Variants in VPS8 observed in about 807,000 individuals in gnomAD.
VPS8 encodes the protein VPS8 subunit of CORVET complex, also known as vacuolar protein sorting-associated protein 8 homolog.
Under a neutral mutation model 216.4 loss-of-function variants are expected in VPS8, and 129 were observed. The ratio of observed to expected loss-of-function variants is 0.60; its 90% confidence interval spans 0.52 to 0.69. The LOEUF (loss-of-function observed/expected upper bound fraction) is 0.69. VPS8 is among the 30% of genes least tolerant of loss of function. The probability of loss-of-function intolerance (pLI) is 0.00; values close to 1 mark genes in which losing one functional copy is unlikely to be tolerated. For synonymous variants in VPS8, 571 were observed against 565.4 expected (o/e 1.01, Z -0.14); for missense variants, 1,531 against 1,683.5 (o/e 0.91, Z 1.59).
intron 21 of VPS8, among the ~76,000 whole-genome samples, chr3:184,882,605 C>T (rs1578056111): frequency 6.6e-6 from 1 of 151,976 alleles, no homozygotes; most frequent in African/African-American, 2.4e-5. Flanking sequence ...TGCTCCTTTT[C>T]TGTTTTGTGG....
intron 36 of VPS8, among the ~76,000 whole-genome samples, chr3:184,952,108 C>T (rs1338139152): frequency 1.3e-5 from 2 of 152,180 alleles, no homozygotes; most frequent in East Asian, 3.8e-4. Flanking sequence ...AAATGAAATA[C>T]CAACAATGTG....
At chr3:185,041,210 G>GA (rs1254700081) in intron 46 of VPS8, among the ~76,000 whole-genome samples, 86 of 136,280 alleles carry the variant, frequency 6.3e-4, no homozygotes, top group Middle Eastern at 3.7e-3. Flanking sequence ...CATCTCAAAG[G>GA]AAAAAAAAAA....
At position 184,849,998 on chromosome 3, in the gene VPS8, A is replaced by T. The variant is rs1447950786; in HGVS notation, c.729A>T (p.Pro243=). 6.2e-7 allele frequency: 1 copy of T among 1,613,196 alleles called. No individual in the cohort carries two copies. The highest frequency in any genetic ancestry group is 2.2e-5 in the East Asian group (1 of 44,814). ...GATCAATAACAGATGCTCATCCTCCAGGAACAGCAATATTGCATATCAAGG... is the reference window on the plus strand; with the variant it reads ...GATCAATAACAGATGCTCATCCTCCTGGAACAGCAATATTGCATATCAAGG... ...LLRSITDAHP[P]GTAILHIKFT... The change falls in exon 10 of 48, where the codon CCA becomes CCT. Residue 243 remains proline, a synonymous_variant. Coordinates refer to ENST00000625842, the MANE Select transcript of VPS8 (RefSeq NM_001009921.3).
rs1747053644 is a variant in VPS8, at chr3:184,964,459, A to G, written c.3184-9A>G. Reference sequence around the variant, plus strand: ...GTGAATAAAAATATTTATCTTTTTTATTTCCTAGATTACTCAGAAGTATCA... The same window carrying G: ...GTGAATAAAAATATTTATCTTTTTTGTTTCCTAGATTACTCAGAAGTATCA... On this transcript the variant is annotated splice_polypyrimidine_tract_variant and intron_variant, in intron 37 of 47. Transcript: ENST00000625842. 6.9e-7 allele frequency: 1 copy of G among 1,446,854 alleles called. No individual in the cohort carries two copies. Among genetic ancestry groups the G allele is most frequent in the Non-Finnish European group, 9.2e-7 (1 of 1,085,952 alleles). 89.6% of individuals were successfully genotyped at this position (1,446,854 alleles called of 1,614,324 possible).
At chr3:185,020,880 T>C (rs774390036) in intron 45 of VPS8, among the ~76,000 whole-genome samples, 1 of 152,210 alleles carries the variant, frequency 6.6e-6, no homozygotes, top group African/African-American at 2.4e-5. Context: ...CGACACCAGC[T>C]GACCAACATG....
chr3:184,824,424 C>T, intron 1 of VPS8, 121 bp from the exon 2 acceptor site: 1 of 544,060 alleles, frequency 1.8e-6, no homozygotes, highest in Non-Finnish European at 3.2e-6. Flanking sequence ...TTTCAGTTTG[C>T]CTGCAATCGG....
chr3:185,003,114 A>AT (rs1404041639), intron 45 of VPS8, among the ~76,000 whole-genome samples: 14 of 136,294 alleles, frequency 1.0e-4, no homozygotes, highest in Middle Eastern at 3.9e-3. Flanking sequence ...AACATCTAAT[A>AT]TTTTTTTATT....
intron 21 of VPS8, among the ~76,000 whole-genome samples, chr3:184,880,072 T>C (rs1730013342): frequency 6.6e-6 from 1 of 152,156 alleles, no homozygotes; most frequent in South Asian, 2.1e-4. Context: ...AAAAAGTATG[T>C]GTATTTGGTT....
chr3:184,834,740 G>T lies in VPS8; in HGVS notation c.445G>T (p.Ala149Ser). 6.4e-7 allele frequency: 1 copy of T among 1,556,722 alleles called. No homozygotes were observed. The highest frequency in any genetic ancestry group is 8.7e-7 in the Non-Finnish European group (1 of 1,149,210). Reference sequence around the variant, plus strand: ...AATTTCTGCCCAGATAGTGTCTGCAGCTGTAAGTATTTTGTTCTTTTCCCT... The same window carrying T: ...AATTTCTGCCCAGATAGTGTCTGCATCTGTAAGTATTTTGTTCTTTTCCCT... ...KGISAQIVSA[A>S]DKVDAGLPTA... The change falls in exon 5 of 48, where the codon GCT becomes TCT. Residue 149 changes from alanine to serine, a missense_variant and splice_region_variant. Coordinates refer to ENST00000625842, the MANE Select transcript of VPS8 (RefSeq NM_001009921.3).
In VPS8 at chr3:184,854,123, A is replaced by G; in HGVS notation, c.985A>G (p.Ile329Val). 1 of 1,613,796 alleles carries G rather than the reference A, an allele frequency of 6.2e-7. No individual in the cohort carries two copies. ...AMASLTKILV[I>V]GLKPSLKVWM... ...TATTTTTCTCTTACAGATACTGGTC[A>G]TTGGATTGAAACCATCCTTGAAAGT... Residue 329 changes from isoleucine (I) to valine (V), a missense_variant, in exon 13 of 48, where the codon ATT (isoleucine) becomes GTT (valine). Physicochemically the swap from Ile to Val is conservative, Grantham distance 29 (BLOSUM62 3). Around this residue, in one of 3 missense-constraint regions of VPS8, gnomAD observed 1,318 missense variants for 1,468.4 expected, o/e 0.90. Transcript: ENST00000625842.
intron 25 of VPS8, among the ~76,000 whole-genome samples, chr3:184,907,770 C>T (rs868110092): frequency 6.6e-6 from 1 of 152,070 alleles, no homozygotes; most frequent in African/African-American, 2.4e-5. Flanking sequence ...TTGAATTGTC[C>T]CTCTCTCACT....
intron 40 of VPS8, 136 bp from the exon 41 acceptor site, chr3:184,982,430 C>A: frequency 2.1e-4 from 95 of 460,884 alleles, no homozygotes; most frequent in Non-Finnish European, 2.5e-4. Context: ...TTTATTTTTT[C>A]TAATGTTTAC....
chr3:184,915,781 C>T (rs139634473), intron 28 of VPS8, among the ~76,000 whole-genome samples: 2 of 152,028 alleles, frequency 1.3e-5, no homozygotes, highest in African/African-American at 2.4e-5. Flanking sequence ...TGCACTCCAG[C>T]GTGGGCTACA....
chr3:184,914,960 A>G (rs928585444), intron 26 of VPS8, 21 bp from the exon 27 acceptor site: 3 of 1,610,498 alleles, frequency 1.9e-6, no homozygotes, highest in Non-Finnish European at 2.5e-6. Context: ...CACCATATCC[A>G]TTCTCATTCT....
intron 1 of VPS8, among the ~76,000 whole-genome samples, chr3:184,814,373 CAGTT>C (rs1715858408): frequency 6.6e-6 from 1 of 152,158 alleles, no homozygotes; most frequent in African/African-American, 2.4e-5. Flanking sequence ...AGTCATGGGA[CAGTT>C]AGGGGATATG....
chr3:184,999,478 G>A lies in VPS8; in HGVS notation c.3837-218G>A, dbSNP rs73885636. ...TTAGTCAGAGAACTGTGATTTGTTC[G>A]TACTCACAACATAAGTATACAAATA... On this transcript the variant is annotated intron_variant, in intron 44 of 47. Coordinates refer to ENST00000625842, the MANE Select transcript of VPS8 (RefSeq NM_001009921.3). 6.9e-3 allele frequency among the ~76,000 whole-genome samples: 1,054 copies of A among 152,276 alleles called. 5 individuals are homozygous for A. The highest frequency in any genetic ancestry group is 0.023 in the African/African-American group (974 of 41,560).
chr3:184,819,259 G>T (rs1350985721), intron 1 of VPS8, among the ~76,000 whole-genome samples: 1 of 152,058 alleles, frequency 6.6e-6, no homozygotes, highest in Non-Finnish European at 1.5e-5. Flanking sequence ...CAGCATACTG[G>T]GTAATTATGA....
intron 36 of VPS8, among the ~76,000 whole-genome samples, chr3:184,947,204 G>A (rs1743835884): frequency 6.6e-6 from 1 of 152,114 alleles, no homozygotes; most frequent in Non-Finnish European, 1.5e-5. Context: ...CTGCCATCAG[G>A]CAGATAGAGG....
intron 5 of VPS8, chr3:184,836,108 A>G: frequency 2.8e-6 from 1 of 361,588 alleles, no homozygotes; most frequent in Non-Finnish European, 5.4e-6. Flanking sequence ...CCCTTAGTGC[A>G]AATAACAACA....
Sources: gnomAD v4.1 joint callset for allele counts (sites outside exome capture counted in the v4.1 genomes callset) on GRCh38, gnomAD v4.1.1 for gene constraint, gnomAD v4.1.1 regional missense constraint, MANE v1.5 for transcripts, NCBI Gene and HGNC (gene_info 2026-07-23, HGNC 2026-07-21) for gene names.